The following CCDC7 variants were observed in gnomAD, a reference collection of about 807,000 sequenced individuals.
The protein encoded by CCDC7 is coiled-coil domain-containing protein 7.
CCDC7 carries 183 observed loss-of-function variants against 196.9 expected under a neutral mutation model. That is an observed-to-expected ratio of 0.93 (90% confidence interval 0.82 to 1.05). CCDC7 has a LOEUF of 1.05. Among genes scored for constraint, CCDC7 ranks in the 50% least tolerant of loss-of-function variants. The pLI, the probability that CCDC7 is intolerant of heterozygous loss-of-function variation, is 0.00. For synonymous variants in CCDC7, 525 were observed against 484.6 expected (o/e 1.08, Z -1.10); for missense variants, 1,540 against 1,482.2 (o/e 1.04, Z -0.64).
chr10:32,560,196 T>C (rs1277910848), intron 13 of CCDC7, among the ~76,000 whole-genome samples: 7 of 152,328 alleles, frequency 4.6e-5, no homozygotes, highest in East Asian at 1.9e-4. Flanking sequence ...CTATGTCTGA[T>C]TGGTGTACCT....
At chr10:32,748,491 C>CT (rs929061202) in intron 28 of CCDC7, among the ~76,000 whole-genome samples, 21 of 152,090 alleles carry the variant, frequency 1.4e-4, no homozygotes, top group Admixed American at 1.0e-3. Flanking sequence ...TGTCTCTTCA[C>CT]TTTTTTTTGT....
intron 11 of CCDC7, among the ~76,000 whole-genome samples, chr10:32,534,591 C>T (rs2050178959): frequency 1.3e-5 from 2 of 152,000 alleles, no homozygotes; most frequent in Admixed American, 1.3e-4. Context: ...TTTGGGGGTG[C>T]TCTTGGTGGC....
chr10:32,603,558 C>T (rs1048582633), intron 18 of CCDC7, among the ~76,000 whole-genome samples: 5 of 146,460 alleles, frequency 3.4e-5, no homozygotes, highest in African/African-American at 4.9e-5. Context: ...TACTAATTTA[C>T]ATTCCCACCA....
chr10:32,538,847 C>A (rs184657484), intron 11 of CCDC7, among the ~76,000 whole-genome samples: 1 of 151,918 alleles, frequency 6.6e-6, no homozygotes, highest in Non-Finnish European at 1.5e-5. Context: ...TTGATCATGG[C>A]GGATTACGTT....
intron 11 of CCDC7, among the ~76,000 whole-genome samples, chr10:32,521,301 T>G (rs947319260): frequency 2.0e-4 from 30 of 152,182 alleles, no homozygotes; most frequent in African/African-American, 7.2e-4. Context: ...TGTACATTGC[T>G]TTGGGTACTA....
chr10:32,862,336 T>A (rs2094025536), intron 41 of CCDC7, among the ~76,000 whole-genome samples: 1 of 151,336 alleles, frequency 6.6e-6, no homozygotes, highest in South Asian at 2.1e-4. Context: ...AAACACTGCA[T>A]GTTCTCACTT....
intron 18 of CCDC7, among the ~76,000 whole-genome samples, chr10:32,589,506 G>A (rs904197141): frequency 2.6e-5 from 4 of 152,132 alleles, no homozygotes; most frequent in African/African-American, 4.8e-5. Context: ...AATACTCCGT[G>A]TGCTGAGGAG....
chr10:32,529,463 T>C (rs185133680), intron 11 of CCDC7, among the ~76,000 whole-genome samples: 75 of 152,330 alleles, frequency 4.9e-4, no homozygotes, highest in Admixed American at 1.6e-3. Context: ...ATTATGGCCA[T>C]TCTTGCAGGA....
At position 32,854,260 on chromosome 10, in the gene CCDC7, G is replaced by A. The variant is rs2093669290; in HGVS notation, c.4022-140G>A. On this transcript the variant is annotated intron_variant, in intron 40 of 41. Transcript: ENST00000639629. ...ATCAGAGAGAAAATATTTGTGTCAG[G>A]TAAGCTGCTTTATCTAAATTACTGA... The A allele has an allele frequency of 1.9e-5, 11 of 571,544 alleles. No individual in the cohort carries two copies. The South Asian group carries it at 2.1e-4, about 11-fold the overall frequency. The allele number at this position is 571,544 out of a possible 1,614,324, so 35.4% of individuals were successfully genotyped here.
intron 33 of CCDC7, among the ~76,000 whole-genome samples, chr10:32,839,619 CAATG>C (rs1322620865): frequency 6.6e-6 from 1 of 151,930 alleles, no homozygotes; most frequent in African/African-American, 2.4e-5. Context: ...AACAAAGAAA[CAATG>C]AACTTGAACT....
chr10:32,650,995 C>T (rs961319336), intron 20 of CCDC7, among the ~76,000 whole-genome samples: 2 of 152,140 alleles, frequency 1.3e-5, no homozygotes, highest in African/African-American at 4.8e-5. Flanking sequence ...CCTGTTTTCT[C>T]CTTGGTGGGT....
intron 41 of CCDC7, among the ~76,000 whole-genome samples, chr10:32,873,294 A>T (rs1221097966): frequency 1.3e-5 from 2 of 151,814 alleles, no homozygotes; most frequent in Admixed American, 6.6e-5. Flanking sequence ...TTGATCTTCC[A>T]TCATTGATAC....
chr10:32,594,024 C>A (rs190420418), intron 18 of CCDC7, among the ~76,000 whole-genome samples: 2 of 152,118 alleles, frequency 1.3e-5, no homozygotes, highest in South Asian at 4.2e-4. Context: ...ATTGTCTTGG[C>A]AATGCAGGCT....
chr10:32,658,925 A>T (rs577586705), intron 20 of CCDC7, among the ~76,000 whole-genome samples: 1 of 152,108 alleles, frequency 6.6e-6, no homozygotes, highest in South Asian at 2.1e-4. Flanking sequence ...ATTTATTTGA[A>T]TTTTCTTTTT....
intron 13 of CCDC7, among the ~76,000 whole-genome samples, chr10:32,556,662 C>A (rs2054402876): frequency 2.0e-5 from 3 of 152,144 alleles, no homozygotes; most frequent in African/African-American, 7.2e-5. Context: ...TACAAGATTT[C>A]TAAACTTATT....
intron 12 of CCDC7, 66 bp from the exon 14 acceptor site, chr10:32,544,181 C>T: frequency 7.2e-7 from 1 of 1,391,314 alleles, no homozygotes; most frequent in Non-Finnish European, 9.8e-7. Context: ...AAGTCCTCCT[C>T]AAGAAAGCAA....
intron 9 of CCDC7, among the ~76,000 whole-genome samples, chr10:32,507,333 G>A (rs2045357599): frequency 6.6e-6 from 1 of 151,920 alleles, no homozygotes; most frequent in Admixed American, 6.6e-5. Flanking sequence ...TGGGCAGCAT[G>A]TAGTTGGGTT....
intron 11 of CCDC7, among the ~76,000 whole-genome samples, chr10:32,529,155 G>A (rs2049224980): frequency 6.6e-6 from 1 of 151,958 alleles, no homozygotes; most frequent in Non-Finnish European, 1.5e-5. Flanking sequence ...CCAAGTAACT[G>A]GGGATTACAG....
At chr10:32,481,577 T>C (rs1167038004) in intron 8 of CCDC7, 1 of 152,200 alleles carries the variant, frequency 6.6e-6, no homozygotes, top group Admixed American at 6.5e-5. Flanking sequence ...GTTACAATAT[T>C]ATGGTATGTA....
Sources: gnomAD v4.1 joint callset for allele counts (sites outside exome capture counted in the v4.1 genomes callset) on GRCh38, gnomAD v4.1.1 for gene constraint, MANE v1.5 for transcripts, NCBI Gene and HGNC (gene_info 2026-07-23, HGNC 2026-07-21) for gene names.